PLS3: variants seen among roughly 807,000 people sequenced by gnomAD.
The protein encoded by PLS3 is plastin 3.
A neutral mutation model predicts 46.5 loss-of-function variants in PLS3; 11 were observed. The observed-to-expected ratio is 0.24, with a 90% CI of 0.15 to 0.39. The LOEUF is 0.39. Among genes scored for constraint, PLS3 ranks in the 10% least tolerant of loss-of-function variants. PLS3 has a pLI of 1.00. For missense variants in PLS3, 308 were observed against 461.8 expected (o/e 0.67, Z 3.05); for synonymous variants, 167 against 162.2 (o/e 1.03, Z -0.22).
rs782219245 is a variant in PLS3, at chrX:115,649,541, A to G, written c.1873A>G (p.Arg625Gly). The G allele has an allele frequency of 1.1e-5, 13 of 1,206,193 alleles. No homozygotes were observed. The Admixed American group carries it at 1.1e-4, about 10-fold the overall frequency. Residue 625 changes from arginine (R) to glycine (G), a missense_variant, in exon 16 of 16, where the codon AGG (arginine) becomes GGG (glycine). This residue lies in a region of PLS3 where 271 missense variants were observed against 435.7 expected (regional missense o/e 0.62). Transcript: ENST00000355899. ...GACTGTGTTTGCATGTTTGATGGGC[A>G]GGGGAATGAAGAGAGTGTAAAATAA... ...VMTVFACLMG[R>G]GMKRV
At chrX:115,579,766 T>A (rs1323508363) in intron 1 of PLS3, among the ~76,000 whole-genome samples, 1 of 111,936 alleles carries the variant, frequency 8.9e-6, no homozygotes, top group African/African-American at 3.2e-5. Context: ...AGGGTCTTGC[T>A]CTGTTGCCCG....
chrX:115,625,813 T>C (rs1195469000), intron 3 of PLS3, among the ~76,000 whole-genome samples: 2 of 111,836 alleles, frequency 1.8e-5, no homozygotes, highest in African/African-American at 6.5e-5. Context: ...CCACTCGTCC[T>C]GTGTTGAGCT....
intron 2 of PLS3, among the ~76,000 whole-genome samples, chrX:115,621,097 T>C (rs1262912312): frequency 1.8e-5 from 2 of 109,327 alleles, no homozygotes; most frequent in Non-Finnish European, 3.8e-5. Flanking sequence ...CACTGCAACC[T>C]CCGCCTCCCA....
intron 1 of PLS3, among the ~76,000 whole-genome samples, chrX:115,606,910 C>G (rs782075744): frequency 9.0e-6 from 1 of 110,977 alleles, no homozygotes; most frequent in East Asian, 2.8e-4. Flanking sequence ...TCAAGCAATC[C>G]TCCCGCAGTG....
chrX:115,563,257 T>G (rs1603212668), intron 1 of PLS3, among the ~76,000 whole-genome samples: 1 of 112,035 alleles, frequency 8.9e-6, no homozygotes, highest in Admixed American at 9.5e-5. Flanking sequence ...TGACTAAAAT[T>G]AACCACCAGT....
chrX:115,631,399 C>G (rs1488079908), intron 5 of PLS3, among the ~76,000 whole-genome samples: 4 of 109,514 alleles, frequency 3.7e-5, no homozygotes, highest in Non-Finnish European at 3.8e-5. Context: ...ATACACAATT[C>G]TTCTTTTTGC....
At chrX:115,565,884 C>T (rs1333348410) in intron 1 of PLS3, among the ~76,000 whole-genome samples, 1 of 111,817 alleles carries the variant, frequency 8.9e-6, no homozygotes, top group Admixed American at 9.5e-5. Flanking sequence ...AGTTTAGAAA[C>T]GTATTTGATA....
intron 1 of PLS3, among the ~76,000 whole-genome samples, chrX:115,568,849 C>T (rs2074194091): frequency 9.0e-6 from 1 of 111,512 alleles, no homozygotes. Context: ...GCCTGGCCAA[C>T]ATGGCAAAAC....
chrX:115,595,971 A>G (rs1340071799), intron 1 of PLS3, among the ~76,000 whole-genome samples: 1 of 111,582 alleles, frequency 9.0e-6, no homozygotes, highest in Non-Finnish European at 1.9e-5. Context: ...CTGTCAAAAC[A>G]TGATGTATGC....
intron 2 of PLS3, chrX:115,614,558 C>G (rs781836582): frequency 1.3e-6 from 1 of 749,539 alleles, no homozygotes; most frequent in Admixed American, 8.8e-5. Context: ...GAAGCAAACC[C>G]CATGTTTAGC....
chrX:115,591,662 A>T (rs782013430), intron 1 of PLS3, among the ~76,000 whole-genome samples: 1 of 112,059 alleles, frequency 8.9e-6, no homozygotes. Context: ...TACCTGAGGC[A>T]GTTTCCTATG....
intron 2 of PLS3, among the ~76,000 whole-genome samples, chrX:115,613,687 AATTTTTATTTTT>A (rs1229221340): frequency 2.7e-5 from 3 of 110,880 alleles, no homozygotes; most frequent in South Asian, 3.9e-4. Context: ...GGGTAAAAGC[AATTTTTATTTTT>A]ATTTTTATTT....
chrX:115,649,870 T>C lies in PLS3; in HGVS notation c.*309T>C. 1 of 164,227 alleles carries C rather than the reference T, an allele frequency of 6.1e-6. No homozygotes were observed. The highest frequency in any genetic ancestry group is 1.2e-5 in the Non-Finnish European group (1 of 84,461). 13.5% of individuals were successfully genotyped at this position (164,227 alleles called of 1,213,427 possible). On this transcript the variant is annotated 3_prime_UTR_variant, in exon 16 of 16. Coordinates refer to ENST00000355899, the MANE Select transcript of PLS3 (RefSeq NM_005032.7). ...CATTGCTGTATGTTATTTCTTGCTCTGTTATCTTTTGCCCTCTTAGAATGT... is the reference window on the plus strand; with the variant it reads ...CATTGCTGTATGTTATTTCTTGCTCCGTTATCTTTTGCCCTCTTAGAATGT...
At chrX:115,630,880 TATATATGTATA>T (rs1253462376) in intron 5 of PLS3, among the ~76,000 whole-genome samples, 2 of 95,463 alleles carry the variant, frequency 2.1e-5, no homozygotes, top group African/African-American at 7.7e-5. Context: ...TATATATGTA[TATATATGTATA>T]ATATATGTAT....
chrX:115,563,177 G>C (rs1556629758), intron 1 of PLS3, among the ~76,000 whole-genome samples: 1 of 111,437 alleles, frequency 9.0e-6, no homozygotes, highest in African/African-American at 3.3e-5. Context: ...CATCTTCCTT[G>C]GTCTGGCCTA....
chrX:115,569,293 C>T (rs782562258), intron 1 of PLS3, among the ~76,000 whole-genome samples: 13 of 110,744 alleles, frequency 1.2e-4, no homozygotes, highest in Non-Finnish European at 2.1e-4. Flanking sequence ...TTTAAGAAGC[C>T]TTTATGTTTA....
intron 2 of PLS3, among the ~76,000 whole-genome samples, chrX:115,611,507 C>G (rs894311259): frequency 4.5e-5 from 5 of 110,228 alleles, no homozygotes; most frequent in African/African-American, 1.6e-4. Context: ...TCAAAATAGT[C>G]TTATAATTGT....
At chrX:115,584,935 C>G (rs1167583290) in intron 1 of PLS3, among the ~76,000 whole-genome samples, 1 of 111,505 alleles carries the variant, frequency 9.0e-6, no homozygotes, top group Non-Finnish European at 1.9e-5. Context: ...CCCATATTTG[C>G]TCACATCTCT....
chrX:115,597,258 C>T (rs1400655460), intron 1 of PLS3, among the ~76,000 whole-genome samples: 1 of 111,521 alleles, frequency 9.0e-6, no homozygotes, highest in African/African-American at 3.3e-5. Flanking sequence ...TAGTCTAACC[C>T]CATGCATAAC....
Sources: gnomAD v4.1 joint callset for allele counts (sites outside exome capture counted in the v4.1 genomes callset) on GRCh38, gnomAD v4.1.1 for gene constraint, gnomAD v4.1.1 regional missense constraint, MANE v1.5 for transcripts, NCBI Gene and HGNC (gene_info 2026-07-23, HGNC 2026-07-21) for gene names.